Variants in VDR observed in about 807,000 individuals in gnomAD.
The protein encoded by VDR is vitamin D3 receptor.
VDR carries 19 observed loss-of-function variants against 39.7 expected under a neutral mutation model. The observed-to-expected ratio is 0.48, with a 90% CI of 0.33 to 0.70. The LOEUF (loss-of-function observed/expected upper bound fraction) is 0.70, where lower values mean the gene tolerates loss of function less well. Among genes scored for constraint, VDR ranks in the 30% least tolerant of loss-of-function variants. The pLI is 0.02. For missense variants in VDR, 442 were observed against 570.5 expected (o/e 0.77, Z 2.29); for synonymous variants, 242 against 215.8 (o/e 1.12, Z -1.07).
chr12:47,873,614 G>T (rs914539443), intron 3 of VDR, among the ~76,000 whole-genome samples: 5 of 152,004 alleles, frequency 3.3e-5, no homozygotes, highest in Admixed American at 2.0e-4. Context: ...GCCCGCCTCG[G>T]CCTCCCAAAG....
At chr12:47,893,907 C>T (rs760335142) in intron 1 of VDR, among the ~76,000 whole-genome samples, 11 of 152,198 alleles carry the variant, frequency 7.2e-5, no homozygotes, top group Non-Finnish European at 1.5e-4. Flanking sequence ...CCTTGCCTTA[C>T]CCTCAGAGCT....
Position 47,873,351 on chromosome 12 carries a change from C to CTTTTTTTTTTTT in VDR, c.146+5605_146+5616dup, listed in dbSNP as rs71077177. Among the ~76,000 whole-genome samples the CTTTTTTTTTTTT allele has an allele frequency of 9.6e-4, 94 of 98,428 alleles. 12 individuals are homozygous for CTTTTTTTTTTTT. Among genetic ancestry groups the CTTTTTTTTTTTT allele is most frequent in the Middle Eastern group, 0.011 (2 of 174 alleles). The allele number at this position is 98,428 out of a possible 152,430, so 64.6% of individuals were successfully genotyped here. ...ACCATGAGTCAATTAAACCTGTTTT[C>CTTTTTTTTTTTT]TTTTTTTTTTTTTTTTTTTTTTTTT... On this transcript the variant is annotated intron_variant, in intron 3 of 9. Transcript: ENST00000549336.
chr12:47,884,036 C>A (rs934635802), intron 1 of VDR, among the ~76,000 whole-genome samples: 1 of 152,244 alleles, frequency 6.6e-6, no homozygotes, highest in Non-Finnish European at 1.5e-5. Context: ...CCTTTGCCCC[C>A]TCTGCTCCTA....
chr12:47,879,203 A>G, intron 2 of VDR, 88 bp from the exon 3 acceptor site: 1 of 1,406,236 alleles, frequency 7.1e-7, no homozygotes, highest in Non-Finnish European at 9.3e-7. Flanking sequence ...CCCCAGCCTC[A>G]TCCCACCGCC....
intron 6 of VDR, among the ~76,000 whole-genome samples, chr12:47,856,839 G>A (rs1366911654): frequency 1.3e-5 from 2 of 152,162 alleles, no homozygotes; most frequent in African/African-American, 4.8e-5. Context: ...TCACCTCCAC[G>A]GAGGGGGCCA....
intron 4 of VDR, among the ~76,000 whole-genome samples, chr12:47,862,914 C>A (rs578095188): frequency 6.6e-6 from 1 of 152,184 alleles, no homozygotes; most frequent in Non-Finnish European, 1.5e-5. Flanking sequence ...ACTGGATCCC[C>A]GCTCCACCAG....
chr12:47,857,783 G>T, intron 4 of VDR, 95 bp from the exon 5 acceptor site: 2 of 1,397,812 alleles, frequency 1.4e-6, no homozygotes, highest in Non-Finnish European at 9.8e-7. Context: ...AGATAGGAGG[G>T]GCTTTAACAC....
intron 1 of VDR, among the ~76,000 whole-genome samples, chr12:47,888,200 A>G (rs1440231221): frequency 1.3e-5 from 2 of 152,220 alleles, no homozygotes; most frequent in East Asian, 3.8e-4. Flanking sequence ...ATTCACTATC[A>G]TGAGAATAGC....
intron 1 of VDR, among the ~76,000 whole-genome samples, chr12:47,888,459 C>T (rs1175818445): frequency 6.6e-6 from 1 of 152,164 alleles, no homozygotes; most frequent in Non-Finnish European, 1.5e-5. Flanking sequence ...AGGCCTCAGG[C>T]AGTGGAGCAG....
intron 3 of VDR, among the ~76,000 whole-genome samples, chr12:47,876,236 T>TGC (rs1326664266): frequency 2.6e-4 from 39 of 152,110 alleles, no homozygotes; most frequent in African/African-American, 8.0e-4. Context: ...TGTGTGTGTG[T>TGC]GTGCATGTGT....
At chr12:47,863,917 C>G (rs2137162745) in intron 4 of VDR, among the ~76,000 whole-genome samples, 1 of 152,356 alleles carries the variant, frequency 6.6e-6, no homozygotes, top group African/African-American at 2.4e-5. Flanking sequence ...TTGCTATCCT[C>G]TAAGCCCTGT....
chr12:47,882,623 G>GCAC, intron 2 of VDR, 71 bp downstream of exon 2: 1 of 543,282 alleles, frequency 1.8e-6, no homozygotes, highest in Non-Finnish European at 3.2e-6. Flanking sequence ...ACCTTCTTAT[G>GCAC]CCCCTCCCCC....
chr12:47,855,911 A>G (rs1407153452), intron 6 of VDR, 110 bp from the exon 7 acceptor site: 1 of 1,305,984 alleles, frequency 7.7e-7, no homozygotes, highest in Non-Finnish European at 1.1e-6. Context: ...GCCAGCTGGG[A>G]ATCCCACAGT....
chr12:47,889,223 G>C (rs562096470), intron 1 of VDR, among the ~76,000 whole-genome samples: 1 of 152,166 alleles, frequency 6.6e-6, no homozygotes, highest in Non-Finnish European at 1.5e-5. Flanking sequence ...CAGTAAGGAA[G>C]TATACTTTCT....
chr12:47,877,720 A>G (rs1946037121), intron 3 of VDR, among the ~76,000 whole-genome samples: 1 of 152,166 alleles, frequency 6.6e-6, no homozygotes, highest in Non-Finnish European at 1.5e-5. Flanking sequence ...TAGAAGGCCC[A>G]CCCTGCAGGA....
intron 1 of VDR, among the ~76,000 whole-genome samples, chr12:47,903,604 A>G (rs1340939681): frequency 2.6e-5 from 4 of 152,210 alleles, no homozygotes; most frequent in African/African-American, 9.6e-5. Flanking sequence ...TTTCTACCTC[A>G]GCAAATCACC....
At chr12:47,848,313 G>A (rs891750864) in intron 7 of VDR, among the ~76,000 whole-genome samples, 8 of 151,894 alleles carry the variant, frequency 5.3e-5, no homozygotes, top group Non-Finnish European at 7.4e-5. Flanking sequence ...TTACAGGTGT[G>A]AGCCACTGCA....
chr12:47,890,472 C>T (rs200123711), intron 1 of VDR, among the ~76,000 whole-genome samples: 2 of 151,368 alleles, frequency 1.3e-5, no homozygotes, highest in Non-Finnish European at 2.9e-5. Context: ...AGGGAGGAAA[C>T]GGTTGTCACG....
intron 3 of VDR, 142 bp downstream of exon 3, chr12:47,878,826 C>T: frequency 7.5e-7 from 1 of 1,339,238 alleles, no homozygotes; most frequent in Admixed American, 1.9e-5. Context: ...CAAGACCCTC[C>T]TGCTCCTGTG....
Sources: allele counts gnomAD v4.1 joint callset (sites outside exome capture counted in the v4.1 genomes callset), GRCh38; gene constraint gnomAD v4.1.1; transcripts MANE v1.5; gene names NCBI Gene and HGNC (gene_info 2026-07-23, HGNC 2026-07-21).